Variants in CADPS observed in about 807,000 individuals in gnomAD.
CADPS encodes the protein calcium-dependent secretion activator 1.
Under a neutral mutation model 167.3 loss-of-function variants are expected in CADPS, and 57 were observed. That is an observed-to-expected ratio of 0.34 (90% CI 0.28 to 0.42). The LOEUF (loss-of-function observed/expected upper bound fraction) is 0.42, where lower values mean the gene tolerates loss of function less well. CADPS is among the 20% of genes least tolerant of loss of function. The pLI is 1.00. For synonymous variants in CADPS, 676 were observed against 635.3 expected (o/e 1.06, Z -0.96); for missense variants, 1,414 against 1,738.1 (o/e 0.81, Z 3.32).
At chr3:62,407,746 T>C (rs1161466952) in intron 28 of CADPS, among the ~76,000 whole-genome samples, 1 of 152,202 alleles carries the variant, frequency 6.6e-6, no homozygotes, top group Non-Finnish European at 1.5e-5. Context: ...TTTGTTTTTC[T>C]TTTTTTGAGA....
intron 1 of CADPS, among the ~76,000 whole-genome samples, chr3:62,766,426 A>G (rs2086877375): frequency 6.6e-6 from 1 of 152,108 alleles, no homozygotes; most frequent in Non-Finnish European, 1.5e-5. Flanking sequence ...GAAATTGGCA[A>G]ATGCTACAAA....
intron 3 of CADPS, among the ~76,000 whole-genome samples, chr3:62,714,520 G>A (rs888517948): frequency 1.3e-5 from 2 of 152,172 alleles, no homozygotes; most frequent in African/African-American, 4.8e-5. Flanking sequence ...TGAGGGTGGG[G>A]AGCAGTGTGG....
rs370625494 is a variant in CADPS, at chr3:62,514,129, T to G, written c.2582-1361A>C. 2.0e-4 allele frequency among the ~76,000 whole-genome samples: 31 copies of G among 152,136 alleles called. No individual in the cohort carries two copies. The East Asian group carries it at 2.9e-3, about 14-fold the overall frequency. On this transcript the variant is annotated intron_variant, in intron 16 of 29. Coordinates refer to ENST00000383710, the MANE Select transcript of CADPS (RefSeq NM_003716.4). The surrounding 1 kb of genome is among the most constrained non-coding windows in gnomAD (Gnocchi z 4.2). ...TTCCAGAATTCTCAGATAACAAAGC[T>G]GTTAATTCTCACAGAGGGGCTCAAA...
At chr3:62,533,811 T>C (rs774549204) in intron 12 of CADPS, among the ~76,000 whole-genome samples, 19 of 152,234 alleles carry the variant, frequency 1.2e-4, no homozygotes, top group Non-Finnish European at 2.2e-4. Flanking sequence ...GGCTTAGTTT[T>C]CAAGTTGTGA....
At position 62,594,869 on chromosome 3, in the gene CADPS, T is replaced by C. The variant is rs1227910006; in HGVS notation, c.1326-2121A>G. On this transcript the variant is annotated intron_variant, in intron 6 of 29. Coordinates refer to ENST00000383710, the MANE Select transcript of CADPS (RefSeq NM_003716.4). ...AAGGCAGTGACTATCCTGCCACCAT[T>C]TGGGAACGAGAGTTCAAATCACAGG... Among the ~76,000 whole-genome samples the C allele has an allele frequency of 3.3e-5, 5 of 152,178 alleles. No individual in the cohort carries two copies. The East Asian group carries it at 9.6e-4, about 29-fold the overall frequency.
At chr3:62,490,173 T>C (rs1268963141) in intron 21 of CADPS, among the ~76,000 whole-genome samples, 3 of 152,180 alleles carry the variant, frequency 2.0e-5, no homozygotes, top group Admixed American at 1.3e-4. Flanking sequence ...GCTTCCAAAC[T>C]GAGGAAAGGC....
chr3:62,812,682 A>G (rs1483091107), intron 1 of CADPS, among the ~76,000 whole-genome samples: 1 of 152,170 alleles, frequency 6.6e-6, no homozygotes, highest in African/African-American at 2.4e-5. Context: ...ATGGTTCAAA[A>G]TGCATCCTCT....
At chr3:62,794,999 G>A (rs562085555) in intron 1 of CADPS, among the ~76,000 whole-genome samples, 1 of 152,044 alleles carries the variant, frequency 6.6e-6, no homozygotes, top group Non-Finnish European at 1.5e-5. Context: ...TTCTCTGCAG[G>A]CTGCTGAGTG....
chr3:62,731,835 A>AAAAAAAAAAAAAAAAAAAAAAAGAAG (rs568495417), intron 3 of CADPS, among the ~76,000 whole-genome samples: 1 of 110,242 alleles, frequency 9.1e-6, no homozygotes, highest in Admixed American at 1.0e-4. Context: ...AAAAAAGTAA[A>AAAAAAAAAAAAAAAAAAAAAAAGAAG]GAAGGAAGAA....
intron 3 of CADPS, among the ~76,000 whole-genome samples, chr3:62,710,123 G>A (rs1378682272): frequency 2.6e-5 from 4 of 151,960 alleles, no homozygotes; most frequent in Admixed American, 6.6e-5. Flanking sequence ...ACTTTATTCC[G>A]TTAATTAAAA....
At chr3:62,725,658 G>T (rs149598860) in intron 3 of CADPS, among the ~76,000 whole-genome samples, 1 of 149,976 alleles carries the variant, frequency 6.7e-6, no homozygotes. Flanking sequence ...AGGAAACACC[G>T]GTACATTTGC....
intron 10 of CADPS, among the ~76,000 whole-genome samples, chr3:62,555,819 C>T (rs1179947437): frequency 1.3e-5 from 2 of 152,130 alleles, no homozygotes; most frequent in African/African-American, 2.4e-5. Context: ...TAGCTTATTG[C>T]TGCCTCCAAC....
intron 10 of CADPS, among the ~76,000 whole-genome samples, chr3:62,556,600 T>C (rs1034875301): frequency 3.9e-5 from 6 of 152,182 alleles, no homozygotes; most frequent in Admixed American, 6.5e-5. Context: ...CTGTTGGTGC[T>C]TGTTGTTCAT....
chr3:62,494,358 C>T (rs1429940629), intron 18 of CADPS, among the ~76,000 whole-genome samples: 2 of 152,198 alleles, frequency 1.3e-5, no homozygotes, highest in Non-Finnish European at 2.9e-5. Flanking sequence ...AACCCTGGAA[C>T]TTGCTGGATG....
chr3:62,475,792 G>A (rs2061244580), intron 23 of CADPS, among the ~76,000 whole-genome samples: 1 of 152,094 alleles, frequency 6.6e-6, no homozygotes, highest in Non-Finnish European at 1.5e-5. Context: ...GCCTGATGAG[G>A]ACTGAGTTGG....
chr3:62,658,001 G>A (rs994065685), intron 4 of CADPS, among the ~76,000 whole-genome samples: 1 of 152,154 alleles, frequency 6.6e-6, no homozygotes. Context: ...ATAAGCTGCA[G>A]GGAACACACA....
chr3:62,747,749 G>C (rs1048297903), intron 3 of CADPS, among the ~76,000 whole-genome samples: 1 of 152,182 alleles, frequency 6.6e-6, no homozygotes, highest in Admixed American at 6.5e-5. Context: ...AATTCAGAGA[G>C]AATAAATGAA....
At chr3:62,853,861 T>C (rs573069116) in intron 1 of CADPS, among the ~76,000 whole-genome samples, 68 of 151,870 alleles carry the variant, frequency 4.5e-4, no homozygotes, top group African/African-American at 1.6e-3. Context: ...GGGGCTGAGG[T>C]GGGAGGATCG....
intron 26 of CADPS, among the ~76,000 whole-genome samples, chr3:62,459,623 G>C (rs989135069): frequency 1.3e-5 from 2 of 152,196 alleles, no homozygotes; most frequent in Non-Finnish European, 2.9e-5. Context: ...CCCAGATGAG[G>C]TTGGGTCCCT....
Sources: allele counts gnomAD v4.1 joint callset (sites outside exome capture counted in the v4.1 genomes callset), GRCh38; gene constraint gnomAD v4.1.1; non-coding constraint Gnocchi (gnomAD v3.1); transcripts MANE v1.5; gene names NCBI Gene and HGNC (gene_info 2026-07-23, HGNC 2026-07-21).